ANKRD11: variants seen among roughly 807,000 people sequenced by gnomAD.
The protein encoded by ANKRD11 is ankyrin repeat domain 11.
Under a neutral mutation model 195.7 loss-of-function variants are expected in ANKRD11, and 17 were observed. The observed-to-expected ratio is 0.09, with a 90% CI of 0.06 to 0.13. The LOEUF (loss-of-function observed/expected upper bound fraction) is 0.13, where lower values mean the gene tolerates loss of function less well. Ranked by LOEUF, ANKRD11 falls within the 10% of genes least tolerant of loss-of-function variation. The probability of loss-of-function intolerance (pLI) is 1.00; values close to 1 mark genes in which losing one functional copy is unlikely to be tolerated. For missense variants in ANKRD11, 3,735 were observed against 3,566.1 expected (o/e 1.05, Z -1.21); for synonymous variants, 1,953 against 1,528.1 (o/e 1.28, Z -6.49).
At chr16:89,403,435 C>T (rs748897075) in intron 2 of ANKRD11, among the ~76,000 whole-genome samples, 9 of 152,100 alleles carry the variant, frequency 5.9e-5, no homozygotes, top group Non-Finnish European at 1.2e-4. Flanking sequence ...GAACCCAAGT[C>T]CCGAGGAAGT....
At chr16:89,379,533 A>C (rs2152101331) in intron 2 of ANKRD11, among the ~76,000 whole-genome samples, 1 of 152,274 alleles carries the variant, frequency 6.6e-6, no homozygotes, top group East Asian at 1.9e-4. Flanking sequence ...TGTCGCCCAG[A>C]CAGAGCTCAG....
chr16:89,306,155 A>AC (rs2036215604), intron 3 of ANKRD11, among the ~76,000 whole-genome samples: 3 of 30,116 alleles, frequency 1.0e-4, no homozygotes, highest in Non-Finnish European at 6.5e-5. Context: ...GCAGACACGC[A>AC]CCACCTCCCA....
rs763092437 is a variant in ANKRD11 at position 89,281,426 on chromosome 16, G to C, written c.5116C>G (p.Pro1706Ala). The C allele has an allele frequency of 6.2e-7, 1 of 1,612,776 alleles. No homozygotes were observed. The highest frequency in any genetic ancestry group is 1.7e-5 in the Admixed American group (1 of 59,920). ...CTGGGGCAGGATAGCACCGACGTAGGGGTGGGCACGCCAGTGGGCCGGCTC... is the reference window on the plus strand; with the variant it reads ...CTGGGGCAGGATAGCACCGACGTAGCGGTGGGCACGCCAGTGGGCCGGCTC... ...DQSRPTGVPTPTSVLSCPSYE... is the reference protein window; with the variant it reads ...DQSRPTGVPTATSVLSCPSYE... The change falls in exon 9 of 13, where the codon CCT becomes GCT. Residue 1706 changes from proline (P) to alanine (A), a missense_variant. By Grantham distance (27) the Pro-to-Ala change is conservative. Transcript: ENST00000301030. This position sits in a 1 kb window ranked among gnomAD's most constrained non-coding sequence, Gnocchi z 5.5.
intron 2 of ANKRD11, among the ~76,000 whole-genome samples, chr16:89,381,230 G>A (rs967809457): frequency 1.3e-5 from 2 of 151,928 alleles, no homozygotes; most frequent in Non-Finnish European, 2.9e-5. Flanking sequence ...CACTGGGGAG[G>A]CTGAGGCAGG....
intron 2 of ANKRD11, chr16:89,392,513 T>C (rs2041242923): frequency 6.6e-6 from 1 of 151,982 alleles, no homozygotes. Flanking sequence ...CCAGTTCATG[T>C]TTTCCATGAG....
At position 89,344,494 on chromosome 16, in the gene ANKRD11, A is replaced by AC. The variant is rs374446816; in HGVS notation, c.-59-27417dup. Among the ~76,000 whole-genome samples, 37 of 152,176 alleles carry AC rather than the reference A, an allele frequency of 2.4e-4. 1 individual carries two copies. The highest frequency in any genetic ancestry group is 8.7e-4 in the African/African-American group (36 of 41,532). Reference sequence around the variant, plus strand: ...GTCTGAAGCGAGTGACACAGATTTTACCCTCTTGAGGATAAAATAATCCCA... The same window carrying AC: ...GTCTGAAGCGAGTGACACAGATTTTACCCCTCTTGAGGATAAAATAATCCCA... On this transcript the variant is annotated intron_variant, in intron 2 of 12. Coordinates refer to ENST00000301030, the MANE Select transcript of ANKRD11 (RefSeq NM_013275.6).
At chr16:89,442,472 C>T (rs183576672) in intron 1 of ANKRD11, among the ~76,000 whole-genome samples, 3 of 152,294 alleles carry the variant, frequency 2.0e-5, no homozygotes, top group East Asian at 1.9e-4. Context: ...ATCCCACAAA[C>T]GCCCCTTTAT....
chr16:89,428,384 A>G (rs752333423), intron 1 of ANKRD11, among the ~76,000 whole-genome samples: 38 of 150,774 alleles, frequency 2.5e-4, no homozygotes, highest in Non-Finnish European at 4.3e-4. Flanking sequence ...AAATTAGCCA[A>G]GCGTGGTGGC....
At chr16:89,387,079 C>A (rs995013829) in intron 2 of ANKRD11, among the ~76,000 whole-genome samples, 1 of 152,090 alleles carries the variant, frequency 6.6e-6, no homozygotes, top group Non-Finnish European at 1.5e-5. Context: ...CCACAGAAGG[C>A]CCCAGTGACA....
chr16:89,350,941 C>A (rs2039185477), intron 2 of ANKRD11, among the ~76,000 whole-genome samples: 1 of 152,194 alleles, frequency 6.6e-6, no homozygotes, highest in African/African-American at 2.4e-5. Flanking sequence ...GCAACAGGCT[C>A]TACCATGTAG....
At chr16:89,428,361 TA>T (rs561899960) in intron 1 of ANKRD11, among the ~76,000 whole-genome samples, 1 of 151,346 alleles carries the variant, frequency 6.6e-6, no homozygotes, top group Non-Finnish European at 1.5e-5. Context: ...CCGTCTCTAC[TA>T]AAAATACAAA....
At chr16:89,373,138 T>G (rs1023497766) in intron 2 of ANKRD11, 1 of 152,230 alleles carries the variant, frequency 6.6e-6, no homozygotes, top group Non-Finnish European at 1.5e-5. Context: ...GGATGCCCTG[T>G]GGGAATGACA....
chr16:89,322,970 A>G (rs2037426337), intron 2 of ANKRD11: 2 of 258,344 alleles, frequency 7.7e-6, no homozygotes, highest in South Asian at 7.3e-5. Flanking sequence ...GAGCCTCCCA[A>G]GTAGCTGGGA....
At chr16:89,440,403 T>C (rs2043398661) in intron 1 of ANKRD11, among the ~76,000 whole-genome samples, 3 of 151,924 alleles carry the variant, frequency 2.0e-5, no homozygotes, top group Admixed American at 2.0e-4. Context: ...AGGCCAGAAG[T>C]TCAGACCAGC....
At chr16:89,316,305 G>C (rs139167575) in intron 3 of ANKRD11, among the ~76,000 whole-genome samples, 1 of 152,086 alleles carries the variant, frequency 6.6e-6, no homozygotes, top group Admixed American at 6.5e-5. Context: ...GTTCACATTC[G>C]CTGGGCACAC....
Position 89,285,764 on chromosome 16 carries a change from G to T in ANKRD11, c.893-115C>A. The T allele has an allele frequency of 8.1e-7, 1 of 1,236,584 alleles. No individual in the cohort carries two copies. The highest frequency in any genetic ancestry group is 1.2e-6 in the Non-Finnish European group (1 of 853,892). 76.6% of individuals were successfully genotyped at this position (1,236,584 alleles called of 1,614,324 possible). A position where few individuals can be genotyped will look rare whatever the true frequency, so the allele number is the denominator to read the frequency against. On this transcript the variant is annotated intron_variant, in intron 8 of 12. Transcript: ENST00000301030. The surrounding 1 kb of genome is among the most constrained non-coding windows in gnomAD (Gnocchi z 5.6). ...GCGGGAAGGTTCCCACCCTGCCTCT[G>T]CAGAGACACTTTGCTCGACTCATGG... is the stretch of plus-strand genomic sequence containing the variant.
chr16:89,377,823 A>G (rs1334811567), intron 2 of ANKRD11, among the ~76,000 whole-genome samples: 1 of 151,920 alleles, frequency 6.6e-6, no homozygotes, highest in Non-Finnish European at 1.5e-5. Flanking sequence ...GTTACACCAA[A>G]TGCGCCTGCC....
intron 3 of ANKRD11, among the ~76,000 whole-genome samples, chr16:89,312,224 G>T (rs965085664): frequency 6.6e-6 from 1 of 152,210 alleles, no homozygotes; most frequent in African/African-American, 2.4e-5. Context: ...TAAACGTGAT[G>T]TGAGAACCTG....
At chr16:89,312,382 C>T (rs964309161) in intron 3 of ANKRD11, among the ~76,000 whole-genome samples, 39 of 151,954 alleles carry the variant, frequency 2.6e-4, no homozygotes, top group Non-Finnish European at 1.9e-4. Flanking sequence ...AGAGGAATCA[C>T]GCAGGGGAGG....
Sources: gnomAD v4.1 joint callset for allele counts (sites outside exome capture counted in the v4.1 genomes callset) on GRCh38, gnomAD v4.1.1 for gene constraint, Gnocchi (gnomAD v3.1) non-coding constraint, MANE v1.5 for transcripts, NCBI Gene and HGNC (gene_info 2026-07-23, HGNC 2026-07-21) for gene names.